IQCM: variants seen among roughly 807,000 people sequenced by gnomAD.
IQCM encodes IQ domain-containing protein M.
A neutral mutation model predicts 57.6 loss-of-function variants in IQCM; 45 were observed. That is an observed-to-expected ratio of 0.78 (90% CI 0.62 to 1.00). IQCM has a LOEUF of 1.00. Among genes scored for constraint, IQCM ranks in the 50% least tolerant of loss-of-function variants. IQCM has a pLI of 0.00. For synonymous variants in IQCM, 148 were observed against 158.9 expected (o/e 0.93, Z 0.51); for missense variants, 468 against 511.6 (o/e 0.91, Z 0.82).
At chr4:149,504,484 AC>A (rs1261300325) in intron 12 of IQCM, among the ~76,000 whole-genome samples, 2 of 145,168 alleles carry the variant, frequency 1.4e-5, no homozygotes, top group Non-Finnish European at 1.5e-5. Context: ...GCCCACACCC[AC>A]CCCCCATGAC....
chr4:149,691,426 G>GGGGAGC (rs2149796300), intron 5 of IQCM, among the ~76,000 whole-genome samples: 1 of 152,248 alleles, frequency 6.6e-6, no homozygotes, highest in African/African-American at 2.4e-5. Flanking sequence ...GAGCAGTGTA[G>GGGGAGC]AGTATAATGG....
Position 149,595,420 on chromosome 4 carries a change from A to G in IQCM, c.682-7423T>C, listed in dbSNP as rs531675698. On this transcript the variant is annotated intron_variant, in intron 8 of 13. Coordinates refer to ENST00000636793, the MANE Select transcript of IQCM (RefSeq NM_001363507.2). Reference sequence around the variant, plus strand: ...TAAACACATCACTCACATAATACGAAATGTTTGTTTAAATAGGTACTGTGA... The same window carrying G: ...TAAACACATCACTCACATAATACGAGATGTTTGTTTAAATAGGTACTGTGA... Among the ~76,000 whole-genome samples the G allele has an allele frequency of 6.6e-5, 10 of 152,190 alleles. No individual in the cohort carries two copies. In the South Asian group the frequency reaches 1.0e-3, roughly 16 times the overall value.
intron 13 of IQCM, among the ~76,000 whole-genome samples, chr4:149,385,384 A>G (rs749000021): frequency 2.0e-5 from 3 of 152,110 alleles, no homozygotes; most frequent in Non-Finnish European, 4.4e-5. Context: ...GGACAAAGGC[A>G]GGAGTAGACA....
chr4:149,368,067 A>G (rs1229309046), intron 13 of IQCM, among the ~76,000 whole-genome samples: 2 of 152,056 alleles, frequency 1.3e-5, no homozygotes, highest in Non-Finnish European at 2.9e-5. Context: ...AATTATATTT[A>G]TAGATTTGTT....
intron 13 of IQCM, among the ~76,000 whole-genome samples, chr4:149,393,300 T>C (rs1731991259): frequency 1.3e-5 from 2 of 151,828 alleles, no homozygotes; most frequent in South Asian, 2.1e-4. Context: ...GTTGATTTAA[T>C]AGCAAAATAG....
At chr4:149,539,126 T>C (rs1747595345) in intron 12 of IQCM, among the ~76,000 whole-genome samples, 1 of 152,104 alleles carries the variant, frequency 6.6e-6, no homozygotes, top group Non-Finnish European at 1.5e-5. Context: ...AGTAACATTA[T>C]TCATAACAAA....
At chr4:149,357,036 GCTCT>G (rs893484143) in intron 13 of IQCM, among the ~76,000 whole-genome samples, 5 of 151,848 alleles carry the variant, frequency 3.3e-5, no homozygotes, top group African/African-American at 1.2e-4. Context: ...TCATGATTTG[GCTCT>G]CTGTTTGTCT....
chr4:149,690,294 A>G (rs1020589031), intron 5 of IQCM, among the ~76,000 whole-genome samples: 4 of 152,152 alleles, frequency 2.6e-5, no homozygotes, highest in Non-Finnish European at 4.4e-5. Flanking sequence ...GAGATTGGAG[A>G]CTATTATTCT....
At chr4:149,614,936 C>G (rs1302225213) in intron 8 of IQCM, among the ~76,000 whole-genome samples, 2 of 152,186 alleles carry the variant, frequency 1.3e-5, no homozygotes, top group Admixed American at 1.3e-4. Flanking sequence ...TAGCCACTTG[C>G]TGAGGAGAGT....
intron 8 of IQCM, among the ~76,000 whole-genome samples, chr4:149,604,335 A>G (rs1754587585): frequency 6.6e-6 from 1 of 152,184 alleles, no homozygotes; most frequent in Admixed American, 6.5e-5. Context: ...AGCTGTAACT[A>G]TTACCACTGC....
chr4:149,803,118 T>C (rs1056694962), intron 2 of IQCM, among the ~76,000 whole-genome samples: 2 of 151,930 alleles, frequency 1.3e-5, no homozygotes, highest in African/African-American at 4.8e-5. Flanking sequence ...ACCCAAGCCT[T>C]CTAGTTCCAG....
chr4:149,591,917 G>A (rs1753220826), intron 8 of IQCM, among the ~76,000 whole-genome samples: 1 of 152,144 alleles, frequency 6.6e-6, no homozygotes, highest in South Asian at 2.1e-4. Context: ...AAACATACGT[G>A]TACATGTGTC....
rs1279714695 is a variant in IQCM at position 149,630,883 on chromosome 4, A to G, written c.566-9639T>C. On this transcript the variant is annotated intron_variant, in intron 7 of 13. Coordinates refer to ENST00000636793, the MANE Select transcript of IQCM (RefSeq NM_001363507.2). ...TTAATATAGCAAGCTTGAGACTGCT[A>G]CTCTTAGCAACATCTGCTTGTAAAG... 3.0e-4 allele frequency among the ~76,000 whole-genome samples: 46 copies of G among 152,146 alleles called. 1 individual carries two copies. Among genetic ancestry groups the G allele is most frequent in the Admixed American group, 2.6e-3 (40 of 15,262 alleles).
At chr4:149,358,592 G>A (rs1337807918) in intron 13 of IQCM, among the ~76,000 whole-genome samples, 1 of 151,870 alleles carries the variant, frequency 6.6e-6, no homozygotes, top group Non-Finnish European at 1.5e-5. Flanking sequence ...TTGTCATATG[G>A]CAGAATAGAC....
chr4:149,499,445 T>C (rs371324218), intron 12 of IQCM, among the ~76,000 whole-genome samples: 2 of 152,146 alleles, frequency 1.3e-5, no homozygotes, highest in African/African-American at 4.8e-5. Flanking sequence ...AATGTAAACA[T>C]AGTAACTCTA....
At chr4:149,621,785 T>C (rs1394110316) in intron 7 of IQCM, among the ~76,000 whole-genome samples, 1 of 152,172 alleles carries the variant, frequency 6.6e-6, no homozygotes, top group East Asian at 1.9e-4. Flanking sequence ...AGTTGGTACA[T>C]AAGATTTCTA....
At chr4:149,502,876 T>C (rs1477205524) in intron 12 of IQCM, among the ~76,000 whole-genome samples, 1 of 151,934 alleles carries the variant, frequency 6.6e-6, no homozygotes, top group Non-Finnish European at 1.5e-5. Context: ...AGAAAATCAG[T>C]ATCCAATTGC....
intron 2 of IQCM, among the ~76,000 whole-genome samples, chr4:149,776,198 G>A (rs911402788): frequency 2.0e-5 from 3 of 152,060 alleles, no homozygotes; most frequent in Admixed American, 6.6e-5. Flanking sequence ...AGACATAAAT[G>A]TCCAAGGAAA....
chr4:149,354,006 T>C (rs1389661650), intron 13 of IQCM, among the ~76,000 whole-genome samples: 2 of 152,208 alleles, frequency 1.3e-5, no homozygotes, highest in Non-Finnish European at 2.9e-5. Context: ...TATTTTACTA[T>C]TTATATGTAT....
Sources: gnomAD v4.1 joint callset for allele counts (sites outside exome capture counted in the v4.1 genomes callset) on GRCh38, gnomAD v4.1.1 for gene constraint, MANE v1.5 for transcripts, NCBI Gene and HGNC (gene_info 2026-07-23, HGNC 2026-07-21) for gene names.